The following STMN4 variants were observed in gnomAD, a reference collection of about 807,000 sequenced individuals.
STMN4 encodes stathmin-4.
A neutral mutation model predicts 29.1 loss-of-function variants in STMN4; 12 were observed. The ratio of observed to expected loss-of-function variants is 0.41; its 90% CI spans 0.26 to 0.67. The LOEUF is 0.67. Ranked by LOEUF, STMN4 falls within the 30% of genes least tolerant of loss-of-function variation. The probability of loss-of-function intolerance (pLI) is 0.30; values close to 1 mark genes in which losing one functional copy is unlikely to be tolerated. For missense variants in STMN4, 181 were observed against 262.8 expected (o/e 0.69, Z 2.15); for synonymous variants, 114 against 105.3 (o/e 1.08, Z -0.51).
At chr8:27,239,659 TCTCTA>T (rs749507750) in intron 6 of STMN4, 95 of 1,393,844 alleles carry the variant, frequency 6.8e-5, no homozygotes, top group Non-Finnish European at 8.6e-5. Context: ...TGCTTGTCTA[TCTCTA>T]CTCCTTTGTA....
intron 1 of STMN4, among the ~76,000 whole-genome samples, chr8:27,250,418 CA>C (rs1801749073): frequency 1.3e-5 from 2 of 152,208 alleles, no homozygotes; most frequent in Admixed American, 1.3e-4. Flanking sequence ...AAAATAACCA[CA>C]GGAGTTTTTG....
At chr8:27,253,486 A>G (rs1003534775) in intron 1 of STMN4, among the ~76,000 whole-genome samples, 4 of 152,196 alleles carry the variant, frequency 2.6e-5, no homozygotes, top group Non-Finnish European at 4.4e-5. Flanking sequence ...ATCGTTATTG[A>G]GTTCTTTCTT....
At chr8:27,250,896 C>A (rs12549968) in intron 1 of STMN4, among the ~76,000 whole-genome samples, 18,497 of 152,202 alleles carry the variant, frequency 0.12, 1,866 homozygotes, top group East Asian at 0.41. Flanking sequence ...GGAAAAGTGA[C>A]AGCCCCAAAT....
intron 6 of STMN4, among the ~76,000 whole-genome samples, chr8:27,238,460 C>A (rs1801372326): frequency 6.6e-6 from 1 of 152,246 alleles, no homozygotes. Context: ...TCTACCCGAC[C>A]TCCACAGCCA....
At chr8:27,250,257 T>C (rs1453022535) in intron 1 of STMN4, among the ~76,000 whole-genome samples, 2 of 152,244 alleles carry the variant, frequency 1.3e-5, no homozygotes, top group African/African-American at 2.4e-5. Flanking sequence ...GGTTATTTCA[T>C]GCTGATCAAA....
At chr8:27,249,929 T>C (rs1315919640) in intron 1 of STMN4, among the ~76,000 whole-genome samples, 1 of 152,198 alleles carries the variant, frequency 6.6e-6, no homozygotes, top group Non-Finnish European at 1.5e-5. Flanking sequence ...TGGACTATTT[T>C]TGAGGGATGA....
intron 1 of STMN4, among the ~76,000 whole-genome samples, chr8:27,247,600 G>A (rs1801662244): frequency 6.6e-6 from 1 of 152,180 alleles, no homozygotes; most frequent in South Asian, 2.1e-4. Flanking sequence ...TTGTTAAATG[G>A]CCATGGTCAT....
rs191073762 is a variant in STMN4, at chr8:27,241,579, G to A, written c.190+98C>T. 105 of 1,417,170 alleles carry A rather than the reference G, an allele frequency of 7.4e-5. 2 individuals carry two copies. The South Asian group carries it at 1.0e-3, about 14-fold the overall frequency. The allele number at this position is 1,417,170 out of a possible 1,614,324, so 87.8% of individuals were successfully genotyped here. ...TGCTGAGCTGCTCAATTTGTCGTCC[G>A]TGGTGACAGGCAGGGGTGCGTTTCA... On this transcript the variant is annotated intron_variant, in intron 4 of 6. Transcript: ENST00000350889.
At chr8:27,249,160 G>A (rs944294424) in intron 1 of STMN4, among the ~76,000 whole-genome samples, 2 of 152,182 alleles carry the variant, frequency 1.3e-5, no homozygotes, top group East Asian at 3.8e-4. Context: ...GGAGGCAGAC[G>A]TGGCTGAGAG....
intron 1 of STMN4, among the ~76,000 whole-genome samples, chr8:27,250,920 G>A (rs1016318547): frequency 4.6e-5 from 7 of 152,302 alleles, no homozygotes; most frequent in African/African-American, 1.4e-4. Context: ...CCACAATGAT[G>A]GGATTTTCTG....
At chr8:27,244,781 CAGGGAAGGAGCAG>C (rs1801578941) in intron 1 of STMN4, among the ~76,000 whole-genome samples, 1 of 152,086 alleles carries the variant, frequency 6.6e-6, no homozygotes, top group Non-Finnish European at 1.5e-5. Context: ...ACAGGAGAGT[CAGGGAAGGAGCAG>C]ATCTGGGAGG....
chr8:27,256,957 A>G (rs1443336405), intron 1 of STMN4, among the ~76,000 whole-genome samples: 1 of 152,096 alleles, frequency 6.6e-6, no homozygotes, highest in Non-Finnish European at 1.5e-5. Flanking sequence ...CTCACTCCAG[A>G]GCTGTTCCAG....
chr8:27,238,769 A>G (rs563482400), intron 6 of STMN4, among the ~76,000 whole-genome samples: 13 of 152,324 alleles, frequency 8.5e-5, no homozygotes, highest in African/African-American at 2.9e-4. Flanking sequence ...TGTTTTTCTC[A>G]TCTGCAAAAT....
At chr8:27,244,845 A>G (rs958482153) in intron 1 of STMN4, among the ~76,000 whole-genome samples, 10 of 152,296 alleles carry the variant, frequency 6.6e-5, no homozygotes, top group South Asian at 6.2e-4. Context: ...GAAGGCTACT[A>G]CAAAGAGAGT....
chr8:27,249,353 T>C (rs535668413), intron 1 of STMN4, among the ~76,000 whole-genome samples: 23 of 152,290 alleles, frequency 1.5e-4, no homozygotes, highest in African/African-American at 4.1e-4. Context: ...TCCCGGGAAC[T>C]ACATGGGACT....
Position 27,236,770 on chromosome 8 carries a change from G to C in STMN4, c.*76C>G. The C allele has an allele frequency of 1.6e-6, 2 of 1,268,102 alleles. No individual in the cohort carries two copies. Among genetic ancestry groups the C allele is most frequent in the Non-Finnish European group, 2.1e-6 (2 of 939,246 alleles). 78.6% of individuals were successfully genotyped at this position (1,268,102 alleles called of 1,614,324 possible). ...AAACCCCAGTGCTGGGAGCGCAGCC[G>C]GCGGGCGAGGCTGCCTGGAACGTGG... On this transcript the variant is annotated 3_prime_UTR_variant, in exon 7 of 7. Transcript: ENST00000350889.
At chr8:27,242,549 G>A in intron 2 of STMN4, 57 bp from the exon 3 acceptor site, 2 of 1,560,942 alleles carry the variant, frequency 1.3e-6, no homozygotes, top group East Asian at 4.5e-5. Flanking sequence ...AGAAGTCAGC[G>A]TCCTCACGGG....
chr8:27,240,270 G>T, intron 5 of STMN4, 108 bp from the exon 6 acceptor site: 1 of 1,238,038 alleles, frequency 8.1e-7, no homozygotes, highest in Non-Finnish European at 1.1e-6. Flanking sequence ...ACCTCCCTGG[G>T]CCTGGTCCCC....
At chr8:27,244,519 C>T (rs1313291721) in intron 1 of STMN4, among the ~76,000 whole-genome samples, 6 of 152,130 alleles carry the variant, frequency 3.9e-5, no homozygotes, top group Admixed American at 2.6e-4. Context: ...TGCTGTGGGA[C>T]ACAGAAATAG....
Sources: allele counts gnomAD v4.1 joint callset (sites outside exome capture counted in the v4.1 genomes callset), GRCh38; gene constraint gnomAD v4.1.1; transcripts MANE v1.5; gene names NCBI Gene and HGNC (gene_info 2026-07-23, HGNC 2026-07-21).